The following HS3ST5 variants were observed in gnomAD, a reference collection of about 807,000 sequenced individuals.
HS3ST5 encodes the protein heparan sulfate glucosamine 3-O-sulfotransferase 5.
In HS3ST5, 10 loss-of-function variants were observed where a neutral mutation model predicts 25.4. The ratio of observed to expected loss-of-function variants is 0.39; its 90% CI spans 0.24 to 0.67. HS3ST5 has a LOEUF of 0.67. Among genes scored for constraint, HS3ST5 ranks in the 30% least tolerant of loss-of-function variants. HS3ST5 has a pLI of 0.44. For synonymous variants in HS3ST5, 170 were observed against 162.4 expected (o/e 1.05, Z -0.36); for missense variants, 324 against 420.7 (o/e 0.77, Z 2.01).
intron 2 of HS3ST5, among the ~76,000 whole-genome samples, chr6:114,175,136 T>C (rs1482699738): frequency 1.3e-5 from 2 of 152,150 alleles, no homozygotes; most frequent in Non-Finnish European, 2.9e-5. Flanking sequence ...GGGCAGAATT[T>C]ATAAAATCCA....
chr6:114,170,818 G>T (rs1287725493), intron 2 of HS3ST5, among the ~76,000 whole-genome samples: 1 of 152,038 alleles, frequency 6.6e-6, no homozygotes, highest in Non-Finnish European at 1.5e-5. Context: ...AATTAAAATG[G>T]TTATTTTAAA....
intron 3 of HS3ST5, among the ~76,000 whole-genome samples, chr6:114,096,704 G>GTAAC (rs1295907076): frequency 6.6e-6 from 1 of 152,102 alleles, no homozygotes; most frequent in Non-Finnish European, 1.5e-5. Context: ...AGTAAGGAAA[G>GTAAC]TAACTAACTT....
intron 3 of HS3ST5, among the ~76,000 whole-genome samples, chr6:114,079,879 G>A (rs138835602): frequency 2.0e-5 from 3 of 152,052 alleles, no homozygotes; most frequent in Admixed American, 6.5e-5. Flanking sequence ...GGGTTCAAGC[G>A]ATTCTCCTGC....
At position 114,094,694 on chromosome 6, in the gene HS3ST5, C is replaced by G. The variant is rs75248499; in HGVS notation, c.-32-31817G>C. 6.9e-3 allele frequency among the ~76,000 whole-genome samples: 1,052 copies of G among 152,222 alleles called. 38 individuals are homozygous for G. Among genetic ancestry groups the G allele is most frequent in the Admixed American group, 0.049 (751 of 15,294 alleles). On this transcript the variant is annotated intron_variant, in intron 3 of 4. Transcript: ENST00000312719. ...TTTTGTAAACATTATAAAAGTACTCCTATGATAGACAGGGTGGCTGTCATG... is the reference window on the plus strand; with the variant it reads ...TTTTGTAAACATTATAAAAGTACTCGTATGATAGACAGGGTGGCTGTCATG...
chr6:114,114,933 A>G (rs550088189), intron 3 of HS3ST5, among the ~76,000 whole-genome samples: 2 of 152,238 alleles, frequency 1.3e-5, no homozygotes, highest in African/African-American at 2.4e-5. Context: ...CACCTTTGAT[A>G]TTATCTTCAT....
chr6:114,208,170 C>A (rs1438311051), intron 2 of HS3ST5, among the ~76,000 whole-genome samples: 1 of 152,180 alleles, frequency 6.6e-6, no homozygotes. Context: ...GATAATGCTT[C>A]TTCTAAAAAC....
intron 1 of HS3ST5, chr6:114,282,086 T>C (rs1004537660): frequency 6.6e-5 from 10 of 152,116 alleles, no homozygotes; most frequent in African/African-American, 2.4e-4. Flanking sequence ...ACTGTATGTG[T>C]ATGTATGAGT....
chr6:114,149,647 A>C (rs1296535954), intron 3 of HS3ST5, among the ~76,000 whole-genome samples: 4 of 152,102 alleles, frequency 2.6e-5, no homozygotes, highest in Non-Finnish European at 5.9e-5. Context: ...CTTAAAACTT[A>C]GATGGTGGGT....
intron 1 of HS3ST5, among the ~76,000 whole-genome samples, chr6:114,258,876 G>C (rs1270186649): frequency 6.6e-6 from 1 of 152,040 alleles, no homozygotes; most frequent in African/African-American, 2.4e-5. Flanking sequence ...AAATTATAGA[G>C]ACAATAAAGG....
chr6:114,263,887 T>G (rs1421980327), intron 1 of HS3ST5, among the ~76,000 whole-genome samples: 4 of 145,524 alleles, frequency 2.7e-5, no homozygotes, highest in African/African-American at 1.0e-4. Context: ...AAGGAGATAG[T>G]TTTTTTTTTT....
At chr6:114,178,458 C>G (rs1336299215) in intron 2 of HS3ST5, among the ~76,000 whole-genome samples, 1 of 152,078 alleles carries the variant, frequency 6.6e-6, no homozygotes, top group Non-Finnish European at 1.5e-5. Flanking sequence ...CCTTCTTAAT[C>G]CAAAGGAAAG....
intron 1 of HS3ST5, among the ~76,000 whole-genome samples, chr6:114,334,561 C>T (rs1188562313): frequency 2.6e-5 from 4 of 152,198 alleles, no homozygotes; most frequent in African/African-American, 9.7e-5. Context: ...TATGTCTTTA[C>T]TGTACCTTTT....
intron 1 of HS3ST5, among the ~76,000 whole-genome samples, chr6:114,301,183 C>T: frequency 6.6e-6 from 1 of 152,268 alleles, no homozygotes; most frequent in East Asian, 1.9e-4. Flanking sequence ...AATCACATCT[C>T]AGTAAAGCTG....
intron 1 of HS3ST5, among the ~76,000 whole-genome samples, chr6:114,250,567 C>T (rs1486870866): frequency 1.4e-4 from 20 of 141,968 alleles, no homozygotes; most frequent in Non-Finnish European, 2.1e-4. Context: ...GGTGACAGAG[C>T]GAGACTCCGT....
intron 3 of HS3ST5, among the ~76,000 whole-genome samples, chr6:114,137,024 T>C (rs1352197311): frequency 6.6e-6 from 1 of 152,256 alleles, no homozygotes; most frequent in Non-Finnish European, 1.5e-5. Context: ...TAATGAATTC[T>C]GCTGAAGAAC....
chr6:114,330,081 T>C (rs1397632139), intron 1 of HS3ST5, among the ~76,000 whole-genome samples: 1 of 152,166 alleles, frequency 6.6e-6, no homozygotes, highest in Admixed American at 6.6e-5. Flanking sequence ...TTCCATGACA[T>C]AAATTCTCAC....
chr6:114,155,833 A>G (rs1778673690), intron 3 of HS3ST5, among the ~76,000 whole-genome samples: 1 of 152,166 alleles, frequency 6.6e-6, no homozygotes, highest in East Asian at 1.9e-4. Flanking sequence ...ATTGAAATGG[A>G]AGCAGTGCTT....
chr6:114,188,729 T>C (rs367619167), intron 2 of HS3ST5, among the ~76,000 whole-genome samples: 1 of 152,204 alleles, frequency 6.6e-6, no homozygotes, highest in East Asian at 1.9e-4. Context: ...TTTCACACTC[T>C]CCCTACACTT....
At chr6:114,066,246 T>C (rs1307496383) in intron 3 of HS3ST5, among the ~76,000 whole-genome samples, 2 of 152,378 alleles carry the variant, frequency 1.3e-5, no homozygotes, top group East Asian at 3.9e-4. Context: ...GAATCTGCTT[T>C]GCTGCACAGG....
Sources: gnomAD v4.1 joint callset for allele counts (sites outside exome capture counted in the v4.1 genomes callset) on GRCh38, gnomAD v4.1.1 for gene constraint, MANE v1.5 for transcripts, NCBI Gene and HGNC (gene_info 2026-07-23, HGNC 2026-07-21) for gene names.